Variants in HEXIM2 observed in about 807,000 individuals in gnomAD.
HEXIM2 encodes protein HEXIM2.
For missense variants in HEXIM2, 413 were observed against 390.8 expected (o/e 1.06, Z -0.48); for synonymous variants, 159 against 162.7 (o/e 0.98, Z 0.17).
intron 3 of HEXIM2, among the ~76,000 whole-genome samples, chr17:45,167,982 G>A (rs758875728): frequency 5.3e-5 from 8 of 151,220 alleles, no homozygotes; most frequent in Non-Finnish European, 1.0e-4. Context: ...AACTTCCGCC[G>A]CCCACATTCT....
chr17:45,164,178 G>A (rs993451155), intron 3 of HEXIM2, among the ~76,000 whole-genome samples: 4 of 143,854 alleles, frequency 2.8e-5, no homozygotes, highest in Non-Finnish European at 4.5e-5. Flanking sequence ...GCTGGAAGCC[G>A]GGTGCAGTGG....
At chr17:45,167,656 T>C (rs1598143950) in intron 3 of HEXIM2, among the ~76,000 whole-genome samples, 2 of 152,168 alleles carry the variant, frequency 1.3e-5, no homozygotes, top group East Asian at 3.9e-4. Context: ...AGATGGAGTC[T>C]CACTCTGTCG....
Position 45,169,251 on chromosome 17 carries a change from C to T in HEXIM2, c.303C>T (p.His101=). Residue 101 remains histidine, a synonymous_variant, in exon 4 of 4, where the codon CAC becomes CAT. Coordinates refer to ENST00000589230, the MANE Select transcript of HEXIM2 (RefSeq NM_001303441.2). The part of the protein sequence containing the change: ...HRRRPSKRKR[H]WRPYLELSWA... ...GGCGGCCATCGAAGCGCAAAAGGCACTGGCGACCCTACCTGGAGCTGAGCT... is the reference window on the plus strand; with the variant it reads ...GGCGGCCATCGAAGCGCAAAAGGCATTGGCGACCCTACCTGGAGCTGAGCT... 6.2e-7 allele frequency: 1 copy of T among 1,613,806 alleles called. No homozygotes were observed. The highest frequency in any genetic ancestry group is 8.5e-7 in the Non-Finnish European group (1 of 1,180,044).
upstream of HEXIM2, among the ~76,000 whole-genome samples, chr17:45,160,361 G>A (rs1048013939): frequency 1.3e-5 from 2 of 152,042 alleles, no homozygotes; most frequent in African/African-American, 4.8e-5. Context: ...AGGTTACCTA[G>A]TAACAATGCA....
At chr17:45,167,950 T>G (rs953277938) in intron 3 of HEXIM2, among the ~76,000 whole-genome samples, 21 of 151,484 alleles carry the variant, frequency 1.4e-4, no homozygotes, top group Admixed American at 9.9e-4. Flanking sequence ...TGGAGTGCAG[T>G]GGTGTAATCT....
intron 3 of HEXIM2, among the ~76,000 whole-genome samples, chr17:45,164,909 C>T (rs751549348): frequency 2.0e-5 from 3 of 152,118 alleles, no homozygotes; most frequent in Non-Finnish European, 4.4e-5. Flanking sequence ...TGACTGAATT[C>T]GGAATTCATG....
At chr17:45,168,974 A>AG (rs769271180) in intron 3 of HEXIM2, 41 bp from the exon 4 acceptor site, 10 of 1,541,400 alleles carry the variant, frequency 6.5e-6, no homozygotes, top group Non-Finnish European at 8.8e-6. Context: ...CTCCAAGGAC[A>AG]GGCTGTCTGA....
intron 3 of HEXIM2, among the ~76,000 whole-genome samples, chr17:45,164,175 G>A (rs897471268): frequency 1.3e-5 from 2 of 150,264 alleles, no homozygotes; most frequent in Non-Finnish European, 3.0e-5. Context: ...AATGCTGGAA[G>A]CCGGGTGCAG....
At chr17:45,160,392 C>G (rs1422853526), upstream of HEXIM2, among the ~76,000 whole-genome samples, 2 of 151,980 alleles carry the variant, frequency 1.3e-5, no homozygotes, top group Non-Finnish European at 2.9e-5. Context: ...ACAAAATACT[C>G]TGACTTTGTT....
At chr17:45,162,088 T>A (rs1273757131) in intron 1 of HEXIM2, 57 bp downstream of exon 1, 1 of 862,092 alleles carries the variant, frequency 1.2e-6, no homozygotes, top group Non-Finnish European at 1.4e-6. Context: ...TTCCAAGAAA[T>A]CCATCCTTAT....
Position 45,169,049 on chromosome 17 carries a change from C to A in HEXIM2, c.101C>A (p.Pro34His), listed in dbSNP as rs772260628. 24 of 1,613,610 alleles carry A rather than the reference C, an allele frequency of 1.5e-5. No individual in the cohort carries two copies. In the South Asian group the frequency reaches 2.6e-4, roughly 18 times the overall value. The change falls in exon 4 of 4, where the codon CCT (proline) becomes CAT (histidine). Residue 34 changes from proline (P) to histidine (H), a missense_variant. Physicochemically the swap from Pro to His is moderately conservative, Grantham distance 77. Transcript: ENST00000589230. ...GCCCCGGGGAGCCCCCAAACACCCC[C>A]TGAGCGTCATGACTCTGGTGGTTCC... Reference protein sequence around the residue: ...SGAPGSPQTPPERHDSGGSLP... With the variant: ...SGAPGSPQTPHERHDSGGSLP...
rs1369217031 is a variant in HEXIM2 at position 45,169,918 on chromosome 17, C to T, written c.*109C>T. 5.6e-6 allele frequency: 5 copies of T among 891,504 alleles called. No individual in the cohort carries two copies. Among genetic ancestry groups the T allele is most frequent in the Non-Finnish European group, 8.0e-6 (5 of 623,766 alleles). The allele number at this position is 891,504 out of a possible 1,614,324, so 55.2% of individuals were successfully genotyped here. ...GCAGATGAAAACCACCGTCAACACC[C>T]TGTGCGCCCTGAGAACAGCTAAATC... On this transcript the variant is annotated 3_prime_UTR_variant, in exon 4 of 4. Transcript: ENST00000589230.
At chr17:45,161,258 G>A (rs868360207), upstream of HEXIM2, 6 of 351,748 alleles carry the variant, frequency 1.7e-5, no homozygotes, top group East Asian at 7.5e-5. Flanking sequence ...GGTAATTACC[G>A]AAGAACCCCG....
intron 3 of HEXIM2, chr17:45,168,742 C>T: frequency 2.4e-6 from 1 of 419,416 alleles, no homozygotes; most frequent in Non-Finnish European, 4.3e-6. Context: ...GGAACTCCTA[C>T]TCAGTGCCAG....
At chr17:45,166,148 A>G (rs1331938989) in intron 3 of HEXIM2, among the ~76,000 whole-genome samples, 1 of 151,008 alleles carries the variant, frequency 6.6e-6, no homozygotes, top group Non-Finnish European at 1.5e-5. Flanking sequence ...CTTTTTTTTG[A>G]GACTCCAGCT....
chr17:45,163,570 C>T (rs981721592), intron 3 of HEXIM2, among the ~76,000 whole-genome samples: 8 of 152,198 alleles, frequency 5.3e-5, no homozygotes, highest in African/African-American at 1.9e-4. Context: ...AGAACCAAGT[C>T]TGAAGCAGGA....
intron 3 of HEXIM2, among the ~76,000 whole-genome samples, chr17:45,168,373 C>T (rs527494586): frequency 6.6e-6 from 1 of 151,628 alleles, no homozygotes; most frequent in African/African-American, 2.4e-5. Flanking sequence ...ATCCCAGCTA[C>T]GCGGGAGGCT....
rs1346462004 is a variant in HEXIM2, at chr17:45,169,529, CTG to C, written c.582_583del (p.Glu195AspfsTer37). ...GGTGAGTTCCAGCGGAAGGACTTCT[CTG>C]AGACTTACGAACGCTTCCACACCGA... On this transcript the variant is annotated frameshift_variant, in exon 4 of 4. Coordinates refer to ENST00000589230, the MANE Select transcript of HEXIM2 (RefSeq NM_001303441.2). LOFTEE classifies it low-confidence loss of function (END_TRUNC). The C allele has an allele frequency of 6.3e-7, 1 of 1,591,132 alleles. No individual in the cohort carries two copies. The highest frequency in any genetic ancestry group is 1.3e-5 in the African/African-American group (1 of 74,250).
chr17:45,163,876 C>T lies in HEXIM2; in HGVS notation c.66+1017C>T, dbSNP rs143454447. Reference sequence around the variant, plus strand: ...AAAAGAAACAAAAACAAAAACAGGCCAGGCGCAGTGGCTCACGCCTGTAAT... The same window carrying T: ...AAAAGAAACAAAAACAAAAACAGGCTAGGCGCAGTGGCTCACGCCTGTAAT... On this transcript the variant is annotated intron_variant, in intron 3 of 3. Transcript: ENST00000589230. Among the ~76,000 whole-genome samples the T allele has an allele frequency of 1.4e-4, 22 of 151,992 alleles. 1 individual carries two copies. In the East Asian group the frequency reaches 4.3e-3, roughly 29 times the overall value.
Sources: gnomAD v4.1 joint callset for allele counts (sites outside exome capture counted in the v4.1 genomes callset) on GRCh38, gnomAD v4.1.1 for gene constraint, MANE v1.5 for transcripts, NCBI Gene and HGNC (gene_info 2026-07-23, HGNC 2026-07-21) for gene names.